CSNK1G3: variants seen among roughly 807,000 people sequenced by gnomAD.
The protein encoded by CSNK1G3 is casein kinase 1 gamma 3.
CSNK1G3 carries 23 observed loss-of-function variants against 64.3 expected under a neutral mutation model. The ratio of observed to expected loss-of-function variants is 0.36; its 90% CI spans 0.26 to 0.51. The LOEUF (loss-of-function observed/expected upper bound fraction) is 0.51, where lower values mean the gene tolerates loss of function less well. Among genes scored for constraint, CSNK1G3 ranks in the 20% least tolerant of loss-of-function variants. The pLI is 0.96. For missense variants in CSNK1G3, 357 were observed against 510.5 expected, an observed-to-expected ratio of 0.70 and a Z score of 2.90; for synonymous variants, 158 against 162.2, an observed-to-expected ratio of 0.97 and a Z score of 0.20.
At chr5:123,572,684 A>G (rs1427177948) in intron 4 of CSNK1G3, among the ~76,000 whole-genome samples, 1 of 152,182 alleles carries the variant, frequency 6.6e-6, no homozygotes. Context: ...CCTATCTGGC[A>G]TGTGGCTCCC....
In CSNK1G3 at chr5:123,582,005, A is replaced by G. The variant is rs1190392672; in HGVS notation, c.673+6042A>G. On this transcript the variant is annotated intron_variant, in intron 6 of 12. Transcript: ENST00000345990. The stretch of plus-strand genomic sequence containing the variant: ...TCTTTTGGCCTCATTGTTTTTCATT[A>G]TGGTAGAAAATGCAGTAGTAAGTTT... Among the ~76,000 whole-genome samples the G allele has an allele frequency of 5.9e-5, 9 of 152,046 alleles. 1 individual carries two copies. The highest frequency in any genetic ancestry group is 1.0e-4 in the Non-Finnish European group (7 of 67,916).
At chr5:123,541,655 C>T (rs1243208510) in intron 1 of CSNK1G3, among the ~76,000 whole-genome samples, 2 of 152,116 alleles carry the variant, frequency 1.3e-5, no homozygotes, top group Admixed American at 1.3e-4. Flanking sequence ...TGGTCTTGAA[C>T]TCCTGAGGTC....
chr5:123,580,331 C>CT (rs951201370), intron 6 of CSNK1G3, among the ~76,000 whole-genome samples: 44 of 151,842 alleles, frequency 2.9e-4, no homozygotes, highest in Non-Finnish European at 6.5e-4. Context: ...TTTTTGGAGA[C>CT]TGACACTATC....
chr5:123,538,109 A>G (rs925901452), intron 1 of CSNK1G3, among the ~76,000 whole-genome samples: 13 of 152,112 alleles, frequency 8.5e-5, no homozygotes, highest in African/African-American at 2.7e-4. Context: ...CCAATTTTTG[A>G]CTATTACTAT....
intron 6 of CSNK1G3, among the ~76,000 whole-genome samples, chr5:123,583,017 A>G (rs191051082): frequency 1.8e-3 from 276 of 152,304 alleles, no homozygotes; most frequent in African/African-American, 6.4e-3. Flanking sequence ...TTTGTGGGTT[A>G]TGAGACTAAT....
intron 12 of CSNK1G3, among the ~76,000 whole-genome samples, chr5:123,609,589 A>G (rs937558380): frequency 1.3e-5 from 2 of 152,220 alleles, no homozygotes; most frequent in African/African-American, 4.8e-5. Flanking sequence ...TATAAAAATT[A>G]TAATACAAAG....
chr5:123,589,467 T>C (rs946832865), intron 8 of CSNK1G3, among the ~76,000 whole-genome samples: 2 of 152,086 alleles, frequency 1.3e-5, no homozygotes, highest in African/African-American at 4.8e-5. Context: ...ATTAGCCAGG[T>C]ATTTAGCTAG....
intron 10 of CSNK1G3, among the ~76,000 whole-genome samples, chr5:123,600,719 A>G (rs905515069): frequency 2.6e-5 from 4 of 151,964 alleles, no homozygotes; most frequent in Non-Finnish European, 5.9e-5. Context: ...AATTGATTTT[A>G]AAAATCATTG....
chr5:123,580,290 GA>G (rs1364635865), intron 6 of CSNK1G3, among the ~76,000 whole-genome samples: 1 of 151,830 alleles, frequency 6.6e-6, no homozygotes. Context: ...TTGGTCAAAG[GA>G]ACATTATATG....
At chr5:123,529,931 G>A (rs990536216) in intron 1 of CSNK1G3, among the ~76,000 whole-genome samples, 12 of 151,996 alleles carry the variant, frequency 7.9e-5, no homozygotes, top group Non-Finnish European at 1.6e-4. Context: ...GAGCTCAGAA[G>A]TTTGAGACCA....
chr5:123,543,753 A>G (rs960661573), intron 1 of CSNK1G3, among the ~76,000 whole-genome samples: 4 of 152,256 alleles, frequency 2.6e-5, no homozygotes, highest in South Asian at 2.1e-4. Context: ...CAGGTGCTTC[A>G]TATGTTTTGT....
chr5:123,573,038 C>G (rs1788439973), intron 4 of CSNK1G3, among the ~76,000 whole-genome samples: 1 of 152,170 alleles, frequency 6.6e-6, no homozygotes, highest in Non-Finnish European at 1.5e-5. Flanking sequence ...ACTCTCTTTT[C>G]AGTAGAACTG....
chr5:123,616,846 T>A (rs959257792), exon 13 of CSNK1G3: 1 of 152,138 alleles, frequency 6.6e-6, no homozygotes, highest in Non-Finnish European at 1.5e-5. Flanking sequence ...ATTATAAAAA[T>A]TTGGTTTATT....
At chr5:123,596,632 T>G (rs540668676) in intron 10 of CSNK1G3, among the ~76,000 whole-genome samples, 49 of 152,284 alleles carry the variant, frequency 3.2e-4, no homozygotes, top group African/African-American at 1.2e-3. Context: ...TACTTCACGT[T>G]TATTGTTTCA....
intron 1 of CSNK1G3, among the ~76,000 whole-genome samples, chr5:123,533,979 GT>G (rs1286348755): frequency 3.3e-5 from 5 of 151,192 alleles, no homozygotes; most frequent in Non-Finnish European, 7.4e-5. Context: ...TTTCTCTGCT[GT>G]TTTTTTTCTT....
intron 4 of CSNK1G3, among the ~76,000 whole-genome samples, chr5:123,558,863 G>C: frequency 6.6e-6 from 1 of 152,142 alleles, no homozygotes; most frequent in East Asian, 1.9e-4. Context: ...CATGTACTTG[G>C]AAATTCAAGG....
intron 12 of CSNK1G3, among the ~76,000 whole-genome samples, chr5:123,609,616 A>G (rs1443234510): frequency 6.6e-6 from 1 of 152,146 alleles, no homozygotes; most frequent in African/African-American, 2.4e-5. Context: ...AGACTGTATA[A>G]CTCTTTTGGG....
intron 6 of CSNK1G3, 33 bp from the exon 7 acceptor site, chr5:123,588,030 TAGAGA>T: frequency 2.3e-6 from 3 of 1,327,060 alleles, no homozygotes; most frequent in African/African-American, 1.5e-5. Flanking sequence ...TCTTAACTGT[TAGAGA>T]AAAGTGAAAT....
At chr5:123,596,257 T>C (rs1202320255) in intron 10 of CSNK1G3, among the ~76,000 whole-genome samples, 1 of 152,110 alleles carries the variant, frequency 6.6e-6, no homozygotes. Flanking sequence ...TGAGTAGATC[T>C]ATAAAAGTCT....
Sources: allele counts gnomAD v4.1 joint callset (sites outside exome capture counted in the v4.1 genomes callset), GRCh38; gene constraint gnomAD v4.1.1; transcripts MANE v1.5; gene names NCBI Gene and HGNC (gene_info 2026-07-23, HGNC 2026-07-21).